Variants in AGO1 observed in about 807,000 individuals in gnomAD.
AGO1 encodes protein argonaute-1.
A neutral mutation model predicts 109.2 loss-of-function variants in AGO1; 11 were observed. The observed-to-expected ratio is 0.10, with a 90% CI of 0.06 to 0.17. The LOEUF is 0.17. Ranked by LOEUF, AGO1 falls within the 10% of genes least tolerant of loss-of-function variation. The pLI, the probability that AGO1 is intolerant of heterozygous loss-of-function variation, is 1.00. For missense variants in AGO1, 574 were observed against 1,140.3 expected (o/e 0.50, Z 7.15); for synonymous variants, 422 against 418.6 (o/e 1.01, Z -0.10).
rs1351616919 is a variant in AGO1 at position 35,919,126 on chromosome 1, C to G, written c.2337C>G (p.Ile779Met). Residue 779 changes from isoleucine to methionine, a missense_variant, in exon 18 of 19, where the codon ATC becomes ATG. This residue lies in a region of AGO1 where 62 missense variants were observed against 192.0 expected (regional missense o/e 0.32). Coordinates refer to ENST00000373204, the MANE Select transcript of AGO1 (RefSeq NM_012199.5). The surrounding 1 kb of genome is among the most constrained non-coding windows in gnomAD (Gnocchi z 6.6). ...DNRFTADELQ[I>M]LTYQLCHTYV... Reference sequence around the variant, plus strand: ...GTTTCACAGCAGATGAGCTCCAGATCCTGACGTACCAGCTGTGCCACACTT... The same window carrying G: ...GTTTCACAGCAGATGAGCTCCAGATGCTGACGTACCAGCTGTGCCACACTT... 7.4e-6 allele frequency: 12 copies of G among 1,614,182 alleles called. No individual in the cohort carries two copies. The highest frequency in any genetic ancestry group is 1.0e-5 in the Non-Finnish European group (12 of 1,180,030).
chr1:35,878,128 G>C (rs1645007028), intron 1 of AGO1, among the ~76,000 whole-genome samples: 1 of 151,806 alleles, frequency 6.6e-6, no homozygotes, highest in Non-Finnish European at 1.5e-5. Context: ...CTGTCACCCA[G>C]GCTGGAGTGC....
chr1:35,906,325 T>C (rs1645518535), intron 11 of AGO1, among the ~76,000 whole-genome samples: 1 of 152,208 alleles, frequency 6.6e-6, no homozygotes, highest in African/African-American at 2.4e-5. Context: ...TCTTTGGACA[T>C]GTAATGAAGC....
intron 12 of AGO1, 30 bp from the exon 13 acceptor site, chr1:35,913,812 T>G (rs1232218569): frequency 1.2e-6 from 2 of 1,606,438 alleles, no homozygotes; most frequent in Non-Finnish European, 1.7e-6. Context: ...ATTTGTTGAA[T>G]GCACTAATCA....
chr1:35,914,357 G>C, intron 14 of AGO1, 83 bp downstream of exon 14: 3 of 1,134,634 alleles, frequency 2.6e-6, no homozygotes, highest in Non-Finnish European at 4.0e-6. Context: ...CCTTCCCTCA[G>C]CTCTGGCTCT....
At chr1:35,906,455 C>T (rs1385053791) in intron 11 of AGO1, among the ~76,000 whole-genome samples, 1 of 152,160 alleles carries the variant, frequency 6.6e-6, no homozygotes, top group Non-Finnish European at 1.5e-5. Context: ...TACTCTCTTA[C>T]CTTACTCAAC....
In AGO1 at chr1:35,894,169, A is replaced by G; in HGVS notation, c.782A>G (p.Lys261Arg). ...SQRVRFTKEI[K>R]GLKVEVTHCG... ...CGCGTTCGCTTCACCAAGGAGATCA[A>G]GGGTGAGGACCCAACAGGAGGGGAA... Residue 261 changes from lysine to arginine, a missense_variant and splice_region_variant, in exon 6 of 19, where the codon AAG becomes AGG. Transcript: ENST00000373204. 1 of 1,572,472 alleles carries G rather than the reference A, an allele frequency of 6.4e-7. No individual in the cohort carries two copies. The highest frequency in any genetic ancestry group is 8.6e-7 in the Non-Finnish European group (1 of 1,159,400).
rs12047998 is a variant in AGO1, at chr1:35,888,768, C to T, written c.209+158C>T. 0.07 allele frequency among the ~76,000 whole-genome samples: 10,716 copies of T among 152,216 alleles called. 1,256 individuals are homozygous for T. Among genetic ancestry groups the T allele is most frequent in the African/African-American group, 0.24 (10,083 of 41,510 alleles). On this transcript the variant is annotated intron_variant, in intron 2 of 18. Coordinates refer to ENST00000373204, the MANE Select transcript of AGO1 (RefSeq NM_012199.5). The surrounding 1 kb of genome is among the most constrained non-coding windows in gnomAD (Gnocchi z 4.1). ...GTCGGGTAAATGCTGAAAAATAGTCCAATTGGACTTCGCTATTGGAAGATT... is the reference window on the plus strand; with the variant it reads ...GTCGGGTAAATGCTGAAAAATAGTCTAATTGGACTTCGCTATTGGAAGATT...
At chr1:35,874,669 A>G (rs943253911) in intron 1 of AGO1, among the ~76,000 whole-genome samples, 2 of 152,164 alleles carry the variant, frequency 1.3e-5, no homozygotes, top group African/African-American at 4.8e-5. Flanking sequence ...AAATGATTAA[A>G]CTTAGTGAGG....
intron 1 of AGO1, chr1:35,873,820 A>T (rs1044921241): frequency 1.3e-5 from 2 of 152,208 alleles, no homozygotes; most frequent in South Asian, 2.1e-4. Flanking sequence ...ATATCCCTCC[A>T]TACTTCTTGA....
At chr1:35,892,719 G>A in intron 3 of AGO1, 42 bp downstream of exon 3, 1 of 1,613,462 alleles carries the variant, frequency 6.2e-7, no homozygotes, top group Non-Finnish European at 8.5e-7. Flanking sequence ...AGGGGTCTGG[G>A]GTAGAACCAA....
intron 11 of AGO1, among the ~76,000 whole-genome samples, chr1:35,906,431 G>A (rs535050539): frequency 2.0e-5 from 3 of 152,164 alleles, no homozygotes; most frequent in South Asian, 2.1e-4. Context: ...TTGTACCATC[G>A]AACACTTAGC....
chr1:35,912,855 A>C (rs1034185948), intron 12 of AGO1, among the ~76,000 whole-genome samples: 2 of 152,088 alleles, frequency 1.3e-5, no homozygotes, highest in Non-Finnish European at 2.9e-5. Context: ...TACAGGCGTA[A>C]GCCACCGTGC....
Position 35,893,835 on chromosome 1 carries a change from AG to A in AGO1, c.649+29del. 1.2e-6 allele frequency: 2 copies of A among 1,601,906 alleles called. No homozygotes were observed. The highest frequency in any genetic ancestry group is 1.1e-5 in the South Asian group (1 of 89,692). ...GGTGAGTGGGGAGAGCTATGGAGCCAGGGGCACCCCAAGTCCAGTGACCACA... is the reference window on the plus strand; with the variant it reads ...GGTGAGTGGGGAGAGCTATGGAGCCAGGGCACCCCAAGTCCAGTGACCACA... On this transcript the variant is annotated intron_variant, in intron 5 of 18. Transcript: ENST00000373204. The surrounding 1 kb of genome is among the most constrained non-coding windows in gnomAD (Gnocchi z 5.6).
At position 35,930,364 on chromosome 1, in the gene AGO1, A is replaced by T. The variant is rs900268718; in HGVS notation, c.*10757A>T. On this transcript the variant is annotated 3_prime_UTR_variant, in exon 19 of 19. Coordinates refer to ENST00000373204, the MANE Select transcript of AGO1 (RefSeq NM_012199.5). The stretch of plus-strand genomic sequence containing the variant: ...CTGGCCAAGGGAACCAAAAGCAGAG[A>T]AGCTCCAAGTCAGAAAAAAGCAGCG... The T allele has an allele frequency of 1.3e-5, 2 of 152,230 alleles. No homozygotes were observed. The highest frequency in any genetic ancestry group is 6.5e-5 in the Admixed American group (1 of 15,280). The allele number at this position is 152,230 out of a possible 1,614,324, so 9.4% of individuals were successfully genotyped here. A position where few individuals can be genotyped will look rare whatever the true frequency, so the allele number is the denominator to read the frequency against.
chr1:35,907,256 G>A (rs1235540051), intron 12 of AGO1, 137 bp downstream of exon 12: 1 of 746,416 alleles, frequency 1.3e-6, no homozygotes, highest in East Asian at 2.9e-5. Context: ...TCCTCTTATA[G>A]GAGAAATAGC....
rs770625415 is a variant in AGO1, at chr1:35,914,190, C to T, written c.1749C>T (p.Ala583=). ...TTTTCTCTTCCTTGCTCAGCTCTGCCGTTTTTCAACAGCCAGTGATATTCC... is the reference window on the plus strand; with the variant it reads ...TTTTCTCTTCCTTGCTCAGCTCTGCTGTTTTTCAACAGCCAGTGATATTCC... ...NNILVPHQRS[A]VFQQPVIFLG... is the part of the protein sequence containing the mutation. Residue 583 remains alanine, a synonymous_variant, in exon 14 of 19, where the codon GCC becomes GCT. Transcript: ENST00000373204. 9.3e-6 allele frequency: 15 copies of T among 1,614,132 alleles called. No homozygotes were observed. The highest frequency in any genetic ancestry group is 1.7e-5 in the Admixed American group (1 of 60,020).
chr1:35,884,265 G>A (rs186734412), intron 1 of AGO1, among the ~76,000 whole-genome samples: 1 of 151,526 alleles, frequency 6.6e-6, no homozygotes. Flanking sequence ...AGCTGCCAAA[G>A]TGCATTTTTC....
At position 35,892,459 on chromosome 1, in the gene AGO1, G is replaced by A. The variant is rs1645238198; in HGVS notation, c.210-98G>A. ...GTCATAGAGTAGATGTTAGGAGTGA[G>A]TATAATAGATGGGACATTGCCTGGA... is the stretch of plus-strand genomic sequence containing the variant. On this transcript the variant is annotated intron_variant, in intron 2 of 18. Transcript: ENST00000373204. 3.3e-6 allele frequency: 5 copies of A among 1,505,238 alleles called. No individual in the cohort carries two copies. In the South Asian group the frequency reaches 5.8e-5, roughly 17 times the overall value. 93.2% of individuals were successfully genotyped at this position (1,505,238 alleles called of 1,614,324 possible). A position where few individuals can be genotyped will look rare whatever the true frequency, so the allele number is the denominator to read the frequency against.
At position 35,914,232 on chromosome 1, in the gene AGO1, A is replaced by G. The variant is rs753726639; in HGVS notation, c.1791A>G (p.Thr597=). The change falls in exon 14 of 19, where the codon ACA becomes ACG. Residue 597 remains threonine (T), a synonymous_variant. Transcript: ENST00000373204. ...TGATATTCCTGGGAGCAGATGTTAC[A>G]CACCCCCCAGCAGGGGATGGGAAAA... ...QPVIFLGADV[T]HPPAGDGKKP... is the part of the protein sequence containing the mutation. 16 of 1,614,016 alleles carry G rather than the reference A, an allele frequency of 9.9e-6. 1 individual carries two copies. In the South Asian group the frequency reaches 1.6e-4, roughly 17 times the overall value.
Sources: allele counts gnomAD v4.1 joint callset (sites outside exome capture counted in the v4.1 genomes callset), GRCh38; gene constraint gnomAD v4.1.1; regional missense constraint gnomAD v4.1.1; non-coding constraint Gnocchi (gnomAD v3.1); transcripts MANE v1.5; gene names NCBI Gene and HGNC (gene_info 2026-07-23, HGNC 2026-07-21).